Variants in ARID1B observed in about 807,000 individuals in gnomAD.
The protein encoded by ARID1B is AT-rich interactive domain-containing protein 1B.
In ARID1B, 30 loss-of-function variants were observed where a neutral mutation model predicts 212.3. The observed-to-expected ratio is 0.14, with a 90% CI of 0.11 to 0.19. ARID1B has a LOEUF of 0.19. Ranked by LOEUF, ARID1B falls within the 10% of genes least tolerant of loss-of-function variation. The probability of loss-of-function intolerance (pLI) is 1.00; values close to 1 mark genes in which losing one functional copy is unlikely to be tolerated. For missense variants in ARID1B, 2,891 were observed against 3,204.0 expected, an observed-to-expected ratio of 0.90 and a Z score of 2.36; for synonymous variants, 1,402 against 1,301.7, an observed-to-expected ratio of 1.08 and a Z score of -1.66.
intron 4 of ARID1B, among the ~76,000 whole-genome samples, chr6:157,073,597 C>T (rs1224286431): frequency 3.3e-5 from 5 of 152,164 alleles, no homozygotes; most frequent in African/African-American, 1.2e-4. Flanking sequence ...TTCAGATTCA[C>T]GATTGCATTT....
In ARID1B at chr6:156,779,107, C is replaced by G. The variant is rs1292013435; in HGVS notation, c.1427C>G (p.Ala476Gly). 7 of 1,233,068 alleles carry G rather than the reference C, an allele frequency of 5.7e-6. No individual in the cohort carries two copies. Among genetic ancestry groups the G allele is most frequent in the Non-Finnish European group, 5.1e-6 (5 of 989,084 alleles). The allele number at this position is 1,233,068 out of a possible 1,614,324, so 76.4% of individuals were successfully genotyped here. ...GGGGAASLSK[A>G]AAGSAAGGFQ... The stretch of plus-strand genomic sequence containing the variant: ...GGCGGGGCCGCGAGCCTCAGCAAGG[C>G]GGCCGCCGGCTCGGCGGCGGGGGGC... Residue 476 changes from alanine (A) to glycine (G), a missense_variant, in exon 1 of 20, where the codon GCG becomes GGG. By Grantham distance (60) the Ala-to-Gly change is moderately conservative. This residue lies in a region of ARID1B where 1,643 missense variants were observed against 1,544.0 expected (regional missense o/e 1.06). Coordinates refer to ENST00000636930, the MANE Select transcript of ARID1B (RefSeq NM_001374828.1).
intron 4 of ARID1B, among the ~76,000 whole-genome samples, chr6:157,054,821 A>T (rs952042716): frequency 6.6e-6 from 1 of 152,170 alleles, no homozygotes; most frequent in African/African-American, 2.4e-5. Context: ...AAACACATAA[A>T]TGTCTATTCA....
intron 3 of ARID1B, among the ~76,000 whole-genome samples, chr6:156,917,358 G>A (rs1042801252): frequency 6.6e-6 from 1 of 152,194 alleles, no homozygotes; most frequent in Non-Finnish European, 1.5e-5. Context: ...GCTTGGGACT[G>A]TTTTGCATGT....
intron 7 of ARID1B, among the ~76,000 whole-genome samples, chr6:157,134,179 T>C (rs139013198): frequency 6.2e-4 from 94 of 152,308 alleles, no homozygotes; most frequent in African/African-American, 2.1e-3. Context: ...AGCGCCTTAG[T>C]ATTTCCTAGA....
chr6:157,148,732 C>T lies in ARID1B; in HGVS notation c.2870C>T (p.Pro957Leu). 6.2e-7 allele frequency: 1 copy of T among 1,613,192 alleles called. No individual in the cohort carries two copies. Among genetic ancestry groups the T allele is most frequent in the Non-Finnish European group, 8.5e-7 (1 of 1,179,976 alleles). The change falls in exon 8 of 20, where the codon CCA becomes CTA. Residue 957 changes from proline (P) to leucine (L), a missense_variant. Physicochemically the swap from Pro to Leu is moderately conservative, Grantham distance 98. This residue lies in a region of ARID1B where 1,643 missense variants were observed against 1,544.0 expected (regional missense o/e 1.06). Coordinates refer to ENST00000636930, the MANE Select transcript of ARID1B (RefSeq NM_001374828.1). This position sits in a 1 kb window ranked among gnomAD's most constrained non-coding sequence, Gnocchi z 5.6. Reference sequence around the variant, plus strand: ...AACAACCAGATGCATGGACAAGGGCCAAGCCAGCCATGTGGTGCTGTGCCC... The same window carrying T: ...AACAACCAGATGCATGGACAAGGGCTAAGCCAGCCATGTGGTGCTGTGCCC... ...SANNQMHGQGPSQPCGAVPLG... is the reference protein window; with the variant it reads ...SANNQMHGQGLSQPCGAVPLG...
intron 4 of ARID1B, among the ~76,000 whole-genome samples, chr6:156,996,695 A>T (rs1235748816): frequency 6.6e-6 from 1 of 152,128 alleles, no homozygotes; most frequent in Non-Finnish European, 1.5e-5. Context: ...CAAGTTTTAT[A>T]AAAAAAGAAT....
intron 4 of ARID1B, among the ~76,000 whole-genome samples, chr6:157,042,083 G>A (rs1781921524): frequency 6.6e-6 from 1 of 152,130 alleles, no homozygotes; most frequent in Non-Finnish European, 1.5e-5. Flanking sequence ...TAATGTGTTC[G>A]ATTCTCCTCT....
intron 5 of ARID1B, among the ~76,000 whole-genome samples, chr6:157,091,802 A>G (rs945384590): frequency 1.3e-5 from 2 of 152,222 alleles, no homozygotes; most frequent in African/African-American, 4.8e-5. Context: ...GTTTATTTCT[A>G]TATGTAAATG....
intron 13 of ARID1B, 196 bp downstream of exon 13, chr6:157,184,631 A>C: frequency 1.5e-6 from 1 of 658,594 alleles, no homozygotes. Context: ...AATCTGGGAT[A>C]TGGCCATTTC....
At chr6:157,142,424 G>A (rs1789426220) in intron 7 of ARID1B, among the ~76,000 whole-genome samples, 1 of 152,106 alleles carries the variant, frequency 6.6e-6, no homozygotes, top group Admixed American at 6.6e-5. Context: ...CCAGGTGTTT[G>A]AGACTAGCCC....
In ARID1B at chr6:157,190,642, T is replaced by C. The variant is rs1462151734; in HGVS notation, c.4231+432T>C. ...CACTTGGCATGGTGGTGTGCTAGTG[T>C]GCGCTGGGCGCTAGCTCGTGGATTG... On this transcript the variant is annotated intron_variant, in intron 15 of 19. Coordinates refer to ENST00000636930, the MANE Select transcript of ARID1B (RefSeq NM_001374828.1). This position sits in a 1 kb window ranked among gnomAD's most constrained non-coding sequence, Gnocchi z 4.6. 6.6e-6 allele frequency among the ~76,000 whole-genome samples: 1 copy of C among 152,252 alleles called. No homozygotes were observed. Among genetic ancestry groups the C allele is most frequent in the Non-Finnish European group, 1.5e-5 (1 of 68,042 alleles).
At chr6:156,856,402 C>G (rs529501897) in intron 2 of ARID1B, among the ~76,000 whole-genome samples, 3 of 152,278 alleles carry the variant, frequency 2.0e-5, no homozygotes, top group South Asian at 2.1e-4. Context: ...TACATTAACT[C>G]ATCAACTTCT....
intron 1 of ARID1B, among the ~76,000 whole-genome samples, chr6:156,816,492 A>G (rs1290652215): frequency 6.6e-6 from 1 of 152,228 alleles, no homozygotes; most frequent in Non-Finnish European, 1.5e-5. Context: ...ATCTGGCCTT[A>G]AAGAACTTAC....
chr6:157,008,769 G>A (rs768112048), intron 4 of ARID1B, among the ~76,000 whole-genome samples: 1 of 151,974 alleles, frequency 6.6e-6, no homozygotes, highest in Non-Finnish European at 1.5e-5. Flanking sequence ...GGGGGGCGGC[G>A]CTCAGATGAC....
intron 3 of ARID1B, among the ~76,000 whole-genome samples, chr6:156,912,718 C>T (rs148038714): frequency 7.2e-4 from 110 of 152,330 alleles, no homozygotes; most frequent in African/African-American, 2.6e-3. Flanking sequence ...TGTCTGCCTT[C>T]TGTGATGTAC....
In ARID1B at chr6:157,206,062, A is replaced by G. The variant is rs1794418090; in HGVS notation, c.5395-105A>G. On this transcript the variant is annotated intron_variant, in intron 19 of 19. Transcript: ENST00000636930. This position sits in a 1 kb window ranked among gnomAD's most constrained non-coding sequence, Gnocchi z 6.8. ...AAAGGGAGACAAACGTGTGACAATGATGGAAAGGTATTGACGGGTCTCAGG... is the reference window on the plus strand; with the variant it reads ...AAAGGGAGACAAACGTGTGACAATGGTGGAAAGGTATTGACGGGTCTCAGG... 5 of 1,240,892 alleles carry G rather than the reference A, an allele frequency of 4.0e-6. No individual in the cohort carries two copies. Among genetic ancestry groups the G allele is most frequent in the Non-Finnish European group, 5.6e-6 (5 of 887,434 alleles). The allele number at this position is 1,240,892 out of a possible 1,614,324, so 76.9% of individuals were successfully genotyped here. A position where few individuals can be genotyped will look rare whatever the true frequency, so the allele number is the denominator to read the frequency against.
intron 3 of ARID1B, among the ~76,000 whole-genome samples, chr6:156,933,381 T>TAG (rs1383881109): frequency 1.3e-5 from 2 of 152,198 alleles, no homozygotes; most frequent in African/African-American, 4.8e-5. Context: ...GGCCCCTGAA[T>TAG]AGAGGCCTTG....
chr6:156,980,737 C>A (rs1454689672), intron 4 of ARID1B, among the ~76,000 whole-genome samples: 1 of 152,186 alleles, frequency 6.6e-6, no homozygotes, highest in East Asian at 1.9e-4. Flanking sequence ...TGGAGGGACC[C>A]GTGCAGCAGC....
intron 1 of ARID1B, among the ~76,000 whole-genome samples, chr6:156,786,774 T>C (rs1779661285): frequency 1.3e-5 from 2 of 152,184 alleles, no homozygotes. Flanking sequence ...AGACAGACAA[T>C]AGCTGGGGTC....
Sources: gnomAD v4.1 joint callset for allele counts (sites outside exome capture counted in the v4.1 genomes callset) on GRCh38, gnomAD v4.1.1 for gene constraint, gnomAD v4.1.1 regional missense constraint, Gnocchi (gnomAD v3.1) non-coding constraint, MANE v1.5 for transcripts, NCBI Gene and HGNC (gene_info 2026-07-23, HGNC 2026-07-21) for gene names.